DOCK6: variants seen among roughly 807,000 people sequenced by gnomAD.
DOCK6 encodes the protein dedicator of cytokinesis 6, also known as dedicator of cytokinesis protein 6.
In DOCK6, 167 loss-of-function variants were observed where a neutral mutation model predicts 230.3. The observed-to-expected ratio is 0.73, with a 90% CI of 0.64 to 0.82. The LOEUF is 0.82. DOCK6 is among the 40% of genes least tolerant of loss of function. The pLI is 0.00. For synonymous variants in DOCK6, 1,148 were observed against 1,185.0 expected (o/e 0.97, Z 0.64); for missense variants, 2,598 against 2,825.8 (o/e 0.92, Z 1.83).
chr19:11,245,292 C>T (rs1346409773), intron 9 of DOCK6, among the ~76,000 whole-genome samples: 1 of 152,180 alleles, frequency 6.6e-6, no homozygotes, highest in Non-Finnish European at 1.5e-5. Context: ...CACCCACCTC[C>T]GAGGACCCCA....
At chr19:11,234,040 G>A (rs565427760) in intron 21 of DOCK6, among the ~76,000 whole-genome samples, 16 of 150,964 alleles carry the variant, frequency 1.1e-4, no homozygotes, top group African/African-American at 1.7e-4. Context: ...TTGCTCTGTC[G>A]CCAGGCTGGA....
chr19:11,199,412 G>C lies in DOCK6; in HGVS notation c.*85C>G. 6.7e-7 allele frequency: 1 copy of C among 1,500,654 alleles called. No individual in the cohort carries two copies. The highest frequency in any genetic ancestry group is 1.4e-5 in the African/African-American group (1 of 72,072). 93.0% of individuals were successfully genotyped at this position (1,500,654 alleles called of 1,614,324 possible). Reference sequence around the variant, plus strand: ...AGTGTGGTCACCCCACAGCCCAGTGGGCACCAGGGCAGACTCCCCTCGCAG... The same window carrying C: ...AGTGTGGTCACCCCACAGCCCAGTGCGCACCAGGGCAGACTCCCCTCGCAG... On this transcript the variant is annotated 3_prime_UTR_variant, in exon 48 of 48. Coordinates refer to ENST00000294618, the MANE Select transcript of DOCK6 (RefSeq NM_020812.4).
chr19:11,215,245 TGCCCG>T, intron 32 of DOCK6, 137 bp downstream of exon 32: 1 of 681,760 alleles, frequency 1.5e-6, no homozygotes, highest in South Asian at 1.8e-5. Flanking sequence ...GCCCGGCCCA[TGCCCG>T]GCTAATTTTT....
At position 11,222,197 on chromosome 19, in the gene DOCK6, C is replaced by G. The variant is rs749031100; in HGVS notation, c.3292G>C (p.Glu1098Gln). 8.1e-6 allele frequency: 13 copies of G among 1,607,050 alleles called. No homozygotes were observed. In the South Asian group the frequency reaches 1.3e-4, roughly 17 times the overall value. ...TGCTGCCGGAATGGTCCACTCAGTT[C>G]GAACATGCTGGTCACCTTGGGGTCC... ...APDPKVTSMFELSGPFRQQHF... is the reference protein window; with the variant it reads ...APDPKVTSMFQLSGPFRQQHF... The change falls in exon 27 of 48, where the codon GAA becomes CAA. Residue 1098 changes from glutamate to glutamine, a missense_variant. Coordinates refer to ENST00000294618, the MANE Select transcript of DOCK6 (RefSeq NM_020812.4). The surrounding 1 kb of genome is among the most constrained non-coding windows in gnomAD (Gnocchi z 4.0).
At position 11,249,671 on chromosome 19, in the gene DOCK6, G is replaced by A. The variant is rs12459555; in HGVS notation, c.720+1203C>T. On this transcript the variant is annotated intron_variant, in intron 6 of 47. Coordinates refer to ENST00000294618, the MANE Select transcript of DOCK6 (RefSeq NM_020812.4). The stretch of plus-strand genomic sequence containing the variant: ...AGCACTTTGGGAGGCCGAGGTGGGC[G>A]GATCACCTGAGGTCAGGAGTTCGAG... 5.6e-3 allele frequency among the ~76,000 whole-genome samples: 845 copies of A among 151,402 alleles called. 7 individuals are homozygous for A. Among genetic ancestry groups the A allele is most frequent in the Non-Finnish European group, 9.3e-3 (632 of 67,796 alleles).
chr19:11,200,327 G>A lies in DOCK6; in HGVS notation c.6082C>T (p.Pro2028Ser), dbSNP rs973869559. 3.8e-6 allele frequency: 6 copies of A among 1,570,560 alleles called. No individual in the cohort carries two copies. Among genetic ancestry groups the A allele is most frequent in the African/African-American group, 2.7e-5 (2 of 73,906 alleles). Residue 2028 changes from proline (P) to serine (S), a missense_variant, in exon 47 of 48, where the codon CCC (proline) becomes TCC (serine). Physicochemically the swap from Pro to Ser is moderately conservative, Grantham distance 74. Transcript: ENST00000294618. This position sits in a 1 kb window ranked among gnomAD's most constrained non-coding sequence, Gnocchi z 4.3. ...AGGCACCTGAGGCCGGGTGGGGTGG[G>A]TGCCATCAGCTGGGGCAGGCGCTGG... ...LTQRLPQLMA[P>S]TPPGLRNSLN...
chr19:11,253,552 G>C, intron 2 of DOCK6, 87 bp downstream of exon 2: 3 of 868,394 alleles, frequency 3.5e-6, no homozygotes, highest in Non-Finnish European at 4.9e-6. Flanking sequence ...CAGGAGGGAG[G>C]GGGTGGGATA....
intron 14 of DOCK6, among the ~76,000 whole-genome samples, chr19:11,240,830 A>G (rs1235897913): frequency 1.3e-5 from 2 of 151,564 alleles, no homozygotes; most frequent in East Asian, 3.9e-4. Flanking sequence ...TCGGTTTCCC[A>G]AAGTGCTGGG....
chr19:11,250,737 T>C, intron 6 of DOCK6, 137 bp downstream of exon 6: 3 of 823,672 alleles, frequency 3.6e-6, no homozygotes, highest in Non-Finnish European at 5.6e-6. Context: ...ATACAGTAGG[T>C]GCCCAATAAA....
Position 11,223,103 on chromosome 19 carries a change from C to T in DOCK6, c.2959G>A (p.Val987Met). Reference protein sequence around the residue: ...LEVITRVHKDVELAEHLNASL... With the variant: ...LEVITRVHKDMELAEHLNASL... Reference sequence around the variant, plus strand: ...GCGTTGAGGTGCTCGGCCAGCTCCACATCCTGGGGACACAGGTGCCTGTCA... The same window carrying T: ...GCGTTGAGGTGCTCGGCCAGCTCCATATCCTGGGGACACAGGTGCCTGTCA... The change falls in exon 25 of 48, where the codon GTG (valine) becomes ATG (methionine). Residue 987 changes from valine to methionine, a missense_variant. Coordinates refer to ENST00000294618, the MANE Select transcript of DOCK6 (RefSeq NM_020812.4). 1 of 1,612,850 alleles carries T rather than the reference C, an allele frequency of 6.2e-7. No homozygotes were observed. Among genetic ancestry groups the T allele is most frequent in the South Asian group, 1.1e-5 (1 of 91,040 alleles).
At chr19:11,218,713 G>A (rs1008255826) in intron 28 of DOCK6, among the ~76,000 whole-genome samples, 4 of 151,748 alleles carry the variant, frequency 2.6e-5, no homozygotes, top group African/African-American at 9.7e-5. Context: ...CTCCCAAAGT[G>A]CTGGGATTAC....
chr19:11,202,002 C>T lies in DOCK6; in HGVS notation c.5575G>A (p.Asp1859Asn), dbSNP rs145128169. Reference protein sequence around the residue: ...TFLFCTPFTPDGRAHGELPEQ... With the variant: ...TFLFCTPFTPNGRAHGELPEQ... ...GGCAGCTCCCCGTGTGCGCGCCCATCCGGCGTGAACGGCGTGCAGAACAGG... is the reference window on the plus strand; with the variant it reads ...GGCAGCTCCCCGTGTGCGCGCCCATTCGGCGTGAACGGCGTGCAGAACAGG... Residue 1859 changes from aspartate (D) to asparagine (N), a missense_variant, in exon 44 of 48, where the codon GAT (aspartate) becomes AAT (asparagine). By Grantham distance (23) the Asp-to-Asn change is conservative. Coordinates refer to ENST00000294618, the MANE Select transcript of DOCK6 (RefSeq NM_020812.4). The surrounding 1 kb of genome is among the most constrained non-coding windows in gnomAD (Gnocchi z 5.3). 1,101 of 1,614,046 alleles carry T rather than the reference C, an allele frequency of 6.8e-4. 1 individual carries two copies. Among genetic ancestry groups the T allele is most frequent in the Non-Finnish European group, 8.6e-4 (1,020 of 1,179,892 alleles).
rs1484954163 is a variant in DOCK6, at chr19:11,245,634, T to C, written c.952A>G (p.Ile318Val). The C allele has an allele frequency of 1.2e-6, 2 of 1,603,930 alleles. No homozygotes were observed. The highest frequency in any genetic ancestry group is 2.2e-5 in the East Asian group (1 of 44,514). Residue 318 changes from isoleucine (I) to valine (V), a missense_variant, in exon 9 of 48, where the codon ATC (isoleucine) becomes GTC (valine). By Grantham distance (29) the Ile-to-Val change is conservative. Coordinates refer to ENST00000294618, the MANE Select transcript of DOCK6 (RefSeq NM_020812.4). ...LLRAHGTHPAISTLARSAIFS... is the reference protein window; with the variant it reads ...LLRAHGTHPAVSTLARSAIFS... ...ATGGCAGAGCGGGCCAGGGTGGAGA[T>C]GGCAGGGTGGGTGCCATGAGCCCGA...
rs2147692756 is a variant in DOCK6 at position 11,201,275 on chromosome 19, A to G, written c.5689-223T>C. On this transcript the variant is annotated intron_variant, in intron 44 of 47. Coordinates refer to ENST00000294618, the MANE Select transcript of DOCK6 (RefSeq NM_020812.4). This position sits in a 1 kb window ranked among gnomAD's most constrained non-coding sequence, Gnocchi z 4.3. ...CAGGGGCTTTACCTCTGGGGTCTCC[A>G]GACTTCCTTGGGTCTGGAGGTAGAG... Among the ~76,000 whole-genome samples, 1 of 152,096 alleles carries G rather than the reference A, an allele frequency of 6.6e-6. No homozygotes were observed. The highest frequency in any genetic ancestry group is 2.1e-4 in the South Asian group (1 of 4,818).
chr19:11,200,832 G>A lies in DOCK6; in HGVS notation c.5833-10C>T. On this transcript the variant is annotated splice_polypyrimidine_tract_variant and intron_variant, in intron 45 of 47. Coordinates refer to ENST00000294618, the MANE Select transcript of DOCK6 (RefSeq NM_020812.4). The surrounding 1 kb of genome is among the most constrained non-coding windows in gnomAD (Gnocchi z 4.3). ...CCACCTCCAGGGGACCCTGTGGGGT[G>A]AGAGGGACTGGTGAGCCAGCCTGCA... The A allele has an allele frequency of 1.2e-6, 2 of 1,612,838 alleles. No individual in the cohort carries two copies. The highest frequency in any genetic ancestry group is 1.7e-6 in the Non-Finnish European group (2 of 1,178,950).
At chr19:11,214,978 T>C (rs1442920673) in intron 32 of DOCK6, among the ~76,000 whole-genome samples, 11 of 149,728 alleles carry the variant, frequency 7.3e-5, no homozygotes, top group South Asian at 2.1e-4. Context: ...AGTCTCGCTC[T>C]GTCACCCAGG....
intron 22 of DOCK6, chr19:11,229,247 T>C: frequency 7.6e-7 from 1 of 1,318,126 alleles, no homozygotes; most frequent in Non-Finnish European, 9.8e-7. Context: ...ACTGGACCCC[T>C]TTGCTGGGGA....
Position 11,239,798 on chromosome 19 carries a change from G to A in DOCK6, c.1644-1494C>T, listed in dbSNP as rs772107121. The A allele has an allele frequency of 1.6e-5, 25 of 1,607,932 alleles. No homozygotes were observed. In the East Asian group the frequency reaches 2.0e-4, roughly 13 times the overall value. On this transcript the variant is annotated intron_variant, in intron 14 of 47. Coordinates refer to ENST00000294618, the MANE Select transcript of DOCK6 (RefSeq NM_020812.4). ...GGCCAGGCCCTCAACGGTGTGTACA[G>A]GACCACGGAGGGACGGCTGACAAAG...
At chr19:11,219,174 GTTTTTT>G (rs778505119) in intron 28 of DOCK6, among the ~76,000 whole-genome samples, 2 of 77,274 alleles carry the variant, frequency 2.6e-5, no homozygotes, top group South Asian at 4.1e-4. Flanking sequence ...ACTGCGCCCG[GTTTTTT>G]TTTTTTTTTT....
Sources: allele counts gnomAD v4.1 joint callset (sites outside exome capture counted in the v4.1 genomes callset), GRCh38; gene constraint gnomAD v4.1.1; non-coding constraint Gnocchi (gnomAD v3.1); transcripts MANE v1.5; gene names NCBI Gene and HGNC (gene_info 2026-07-23, HGNC 2026-07-21).